ZNF236: variants seen among roughly 807,000 people sequenced by gnomAD.
ZNF236 encodes regulated by glucose.
Under a neutral mutation model 191.2 loss-of-function variants are expected in ZNF236, and 50 were observed. The observed-to-expected ratio is 0.26, with a 90% confidence interval of 0.21 to 0.33. The LOEUF is 0.33. ZNF236 is among the 10% of genes least tolerant of loss of function. The probability of loss-of-function intolerance (pLI) is 1.00; values close to 1 mark genes in which losing one functional copy is unlikely to be tolerated. For synonymous variants in ZNF236, 907 were observed against 928.8 expected, an observed-to-expected ratio of 0.98 and a Z score of 0.43; for missense variants, 1,754 against 2,374.5, an observed-to-expected ratio of 0.74 and a Z score of 5.43.
chr18:76,923,891 C>G (rs926019488), intron 21 of ZNF236, among the ~76,000 whole-genome samples: 1 of 152,120 alleles, frequency 6.6e-6, no homozygotes, highest in African/African-American at 2.4e-5. Flanking sequence ...TTGGTAAACA[C>G]TTAGGAATGG....
At chr18:76,889,860 G>A (rs1320248912) in intron 9 of ZNF236, among the ~76,000 whole-genome samples, 1 of 152,204 alleles carries the variant, frequency 6.6e-6, no homozygotes, top group African/African-American at 2.4e-5. Context: ...AGGCATCTGT[G>A]TGATTGTTTT....
intron 9 of ZNF236, among the ~76,000 whole-genome samples, chr18:76,881,832 C>G (rs1271483086): frequency 6.6e-6 from 1 of 152,204 alleles, no homozygotes; most frequent in East Asian, 1.9e-4. Flanking sequence ...CCTGCTTAGG[C>G]GCCTCCTCTC....
chr18:76,824,070 C>G (rs1568181118), intron 1 of ZNF236: 2 of 511,198 alleles, frequency 3.9e-6, no homozygotes, highest in East Asian at 6.6e-5. Flanking sequence ...CTTAGTGACT[C>G]AAGTGTTCCC....
chr18:76,843,775 CAAAAAAAAAAA>C (rs780026489), intron 1 of ZNF236, among the ~76,000 whole-genome samples: 1,481 of 8,248 alleles, frequency 0.18, 90 homozygotes, highest in Middle Eastern at 0.33. Flanking sequence ...GACTCCGTCT[CAAAAAAAAAAA>C]AAAAAAAAAA....
intron 1 of ZNF236, among the ~76,000 whole-genome samples, chr18:76,846,350 T>C (rs754724876): frequency 8.2e-4 from 125 of 152,220 alleles, no homozygotes; most frequent in Non-Finnish European, 8.1e-4. Flanking sequence ...AAGGTGTTAT[T>C]TGAGGCCTGG....
At position 76,927,355 on chromosome 18, in the gene ZNF236, G is replaced by A; in HGVS notation, c.4252G>A (p.Ala1418Thr). The A allele has an allele frequency of 6.2e-7, 1 of 1,614,164 alleles. No homozygotes were observed. Among genetic ancestry groups the A allele is most frequent in the Non-Finnish European group, 8.5e-7 (1 of 1,180,034 alleles). ...GCAGCTCACGGGGGAGCCTGGCCTGGCCCCACAGAACAGCTCTCTCCAGAC... is the reference window on the plus strand; with the variant it reads ...GCAGCTCACGGGGGAGCCTGGCCTGACCCCACAGAACAGCTCTCTCCAGAC... ...AQQLTGEPGLAPQNSSLQTSD... is the reference protein window; with the variant it reads ...AQQLTGEPGLTPQNSSLQTSD... Residue 1418 changes from alanine to threonine, a missense_variant, in exon 24 of 31, where the codon GCC becomes ACC. This residue lies in a region of ZNF236 where 606 missense variants were observed against 761.5 expected (regional missense o/e 0.80). Transcript: ENST00000320610. This position sits in a 1 kb window ranked among gnomAD's most constrained non-coding sequence, Gnocchi z 5.4.
At position 76,951,427 on chromosome 18, in the gene ZNF236, G is replaced by C. The variant is rs564337130; in HGVS notation, c.4914+3775G>C. 2.0e-5 allele frequency among the ~76,000 whole-genome samples: 3 copies of C among 152,348 alleles called. No individual in the cohort carries two copies. The East Asian group carries it at 5.8e-4, about 29-fold the overall frequency. On this transcript the variant is annotated intron_variant, in intron 27 of 30. Coordinates refer to ENST00000320610, the MANE Select transcript of ZNF236 (RefSeq NM_001306089.2). Reference sequence around the variant, plus strand: ...TTGCTGCTTCACCTTGCACTGCTATGTTATGGAGGGTGGCTTCTTTCCTTA... The same window carrying C: ...TTGCTGCTTCACCTTGCACTGCTATCTTATGGAGGGTGGCTTCTTTCCTTA...
At chr18:76,907,703 T>TC (rs1160929553) in intron 13 of ZNF236, among the ~76,000 whole-genome samples, 1 of 151,970 alleles carries the variant, frequency 6.6e-6, no homozygotes, top group Non-Finnish European at 1.5e-5. Flanking sequence ...TTTCTTTTTT[T>TC]TTTTTTTCAA....
chr18:76,961,681 C>A lies in ZNF236; in HGVS notation c.5419+826C>A, dbSNP rs553095026. On this transcript the variant is annotated intron_variant, in intron 30 of 30. Coordinates refer to ENST00000320610, the MANE Select transcript of ZNF236 (RefSeq NM_001306089.2). ...CTGTACTAGTTTACATTCCCACTAGCAGTGTGGAAGTATTCCCTGTTCACC... is the reference window on the plus strand; with the variant it reads ...CTGTACTAGTTTACATTCCCACTAGAAGTGTGGAAGTATTCCCTGTTCACC... Among the ~76,000 whole-genome samples, 6 of 152,164 alleles carry A rather than the reference C, an allele frequency of 3.9e-5. No individual in the cohort carries two copies. In the South Asian group the frequency reaches 1.0e-3, roughly 26 times the overall value.
intron 30 of ZNF236, among the ~76,000 whole-genome samples, chr18:76,961,850 G>T (rs943207264): frequency 9.9e-5 from 15 of 152,002 alleles, no homozygotes; most frequent in Admixed American, 2.6e-4. Context: ...ACGTTTGCTG[G>T]CCATTTATAT....
At position 76,927,799 on chromosome 18, in the gene ZNF236, G is replaced by A; in HGVS notation, c.4415-128G>A. 1.2e-6 allele frequency: 1 copy of A among 862,054 alleles called. No homozygotes were observed. Among genetic ancestry groups the A allele is most frequent in the Non-Finnish European group, 1.7e-6 (1 of 585,600 alleles). 53.4% of individuals were successfully genotyped at this position (862,054 alleles called of 1,614,324 possible). A position where few individuals can be genotyped will look rare whatever the true frequency, so the allele number is the denominator to read the frequency against. ...GACGAAGGAATTAGAGATGACTGAT[G>A]CTTTGTTTTAAATCTTTGTCTTATT... On this transcript the variant is annotated intron_variant, in intron 24 of 30. Coordinates refer to ENST00000320610, the MANE Select transcript of ZNF236 (RefSeq NM_001306089.2). The surrounding 1 kb of genome is among the most constrained non-coding windows in gnomAD (Gnocchi z 5.4).
chr18:76,944,345 C>T (rs542870002), intron 26 of ZNF236, among the ~76,000 whole-genome samples: 4 of 152,150 alleles, frequency 2.6e-5, no homozygotes, highest in Admixed American at 1.3e-4. Flanking sequence ...AGTAAAGAAA[C>T]CAACTGCAAA....
At chr18:76,956,257 G>A in intron 28 of ZNF236, 75 bp downstream of exon 28, 2 of 1,498,686 alleles carry the variant, frequency 1.3e-6, no homozygotes, top group Non-Finnish European at 1.8e-6. Flanking sequence ...ATTTAACACT[G>A]GCCGGGAATC....
intron 3 of ZNF236, among the ~76,000 whole-genome samples, chr18:76,866,526 A>G (rs1049204261): frequency 6.6e-6 from 1 of 152,240 alleles, no homozygotes; most frequent in Non-Finnish European, 1.5e-5. Flanking sequence ...ACAGGAGAGC[A>G]GCCTTGATGC....
intron 26 of ZNF236, among the ~76,000 whole-genome samples, chr18:76,945,678 G>A (rs1968242683): frequency 6.6e-6 from 1 of 152,184 alleles, no homozygotes; most frequent in Non-Finnish European, 1.5e-5. Flanking sequence ...CAGCTACTTG[G>A]GAGGCTGAGG....
chr18:76,851,775 C>T lies in ZNF236; in HGVS notation c.199C>T (p.Pro67Ser). Residue 67 changes from proline to serine, a missense_variant and splice_region_variant, in exon 3 of 31, where the codon CCA becomes TCA. This residue lies in a region of ZNF236 where 336 missense variants were observed against 495.1 expected (regional missense o/e 0.68). Transcript: ENST00000320610. ...CTTCTTCACTTTTCTCTCCAAATAGCCACATCGATGTGACCAGTGCCCCCA... is the reference window on the plus strand; with the variant it reads ...CTTCTTCACTTTTCTCTCCAAATAGTCACATCGATGTGACCAGTGCCCCCA... ...HMRDHERNDKPHRCDQCPQTF... is the reference protein window; with the variant it reads ...HMRDHERNDKSHRCDQCPQTF... The T allele has an allele frequency of 1.2e-6, 2 of 1,606,262 alleles. No homozygotes were observed. The highest frequency in any genetic ancestry group is 1.7e-6 in the Non-Finnish European group (2 of 1,177,188).
At chr18:76,843,761 G>T (rs1975585168) in intron 1 of ZNF236, among the ~76,000 whole-genome samples, 1 of 81,966 alleles carries the variant, frequency 1.2e-5, no homozygotes, top group African/African-American at 4.6e-5. Context: ...GGGCTACAGA[G>T]GGAGACTCCG....
In ZNF236 at chr18:76,971,480, G is replaced by C. The variant is rs2123000720; in HGVS notation, c.*3141G>C. 6.6e-6 allele frequency among the ~76,000 whole-genome samples: 1 copy of C among 152,186 alleles called. No homozygotes were observed. The highest frequency in any genetic ancestry group is 2.4e-5 in the African/African-American group (1 of 41,522). On this transcript the variant is annotated 3_prime_UTR_variant, in exon 31 of 31. Transcript: ENST00000320610. ...CAGTGCTTGTCTGGCACTTAACTAG[G>C]GGATGTTTCCTTCGTGCATATTTTC... is the stretch of plus-strand genomic sequence containing the variant.
chr18:76,969,988 A>C lies in ZNF236; in HGVS notation c.*1649A>C, dbSNP rs925431197. 6.5e-6 allele frequency: 1 copy of C among 152,740 alleles called. No homozygotes were observed. The highest frequency in any genetic ancestry group is 2.4e-5 in the African/African-American group (1 of 41,574). The allele number at this position is 152,740 out of a possible 1,614,324, so 9.5% of individuals were successfully genotyped here. ...ATTTGACTTATGCTTGTGATACTGG[A>C]CTTCTTACCAATCCGGAGGTTTCCT... On this transcript the variant is annotated 3_prime_UTR_variant, in exon 31 of 31. Transcript: ENST00000320610.
Sources: allele counts gnomAD v4.1 joint callset (sites outside exome capture counted in the v4.1 genomes callset), GRCh38; gene constraint gnomAD v4.1.1; regional missense constraint gnomAD v4.1.1; non-coding constraint Gnocchi (gnomAD v3.1); transcripts MANE v1.5; gene names NCBI Gene and HGNC (gene_info 2026-07-23, HGNC 2026-07-21).